Variants in ZFPM1 observed in about 807,000 individuals in gnomAD.
ZFPM1 encodes the protein zinc finger protein, FOG family member 1, also known as zinc finger protein ZFPM1.
ZFPM1 carries 28 observed loss-of-function variants against 46.3 expected under a neutral mutation model. The observed-to-expected ratio is 0.60, with a 90% CI of 0.45 to 0.83. The LOEUF is 0.83. Ranked by LOEUF, ZFPM1 falls within the 40% of genes least tolerant of loss-of-function variation. The pLI is 0.00. For missense variants in ZFPM1, 1,878 were observed against 1,432.4 expected (o/e 1.31, Z -5.02); for synonymous variants, 957 against 675.9 (o/e 1.42, Z -6.45).
At chr16:88,502,073 T>C (rs866945453) in intron 3 of ZFPM1, among the ~76,000 whole-genome samples, 6,732 of 115,840 alleles carry the variant, frequency 0.058, 283 homozygotes, top group Middle Eastern at 0.17. Context: ...CCCATTTATT[T>C]ATTTATTTAT....
chr16:88,532,475 G>C (rs1340046066), intron 7 of ZFPM1, 139 bp from the exon 8 acceptor site: 7 of 928,490 alleles, frequency 7.5e-6, no homozygotes, highest in Non-Finnish European at 9.6e-6. Context: ...GGCGGAGGAG[G>C]AGGAGGAGGG....
In ZFPM1 at chr16:88,489,021, C is replaced by T. The variant is rs775913277; in HGVS notation, c.146-10C>T. ...TCAGCAGGGATGTGACGGTGTTTTC[C>T]TCTCTGCAGATGTTAACTCACCCCC... On this transcript the variant is annotated splice_polypyrimidine_tract_variant and intron_variant, in intron 2 of 9. Coordinates refer to ENST00000319555, the MANE Select transcript of ZFPM1 (RefSeq NM_153813.3). 2 of 1,611,038 alleles carry T rather than the reference C, an allele frequency of 1.2e-6. No homozygotes were observed. Among genetic ancestry groups the T allele is most frequent in the South Asian group, 1.1e-5 (1 of 90,928 alleles).
chr16:88,536,365 G>A lies in ZFPM1; in HGVS notation c.*1386G>A, dbSNP rs560092819. 1 of 152,078 alleles carries A rather than the reference G, an allele frequency of 6.6e-6. No individual in the cohort carries two copies. Among genetic ancestry groups the A allele is most frequent in the Non-Finnish European group, 1.5e-5 (1 of 68,026 alleles). 9.4% of individuals were successfully genotyped at this position (152,078 alleles called of 1,614,324 possible). On this transcript the variant is annotated 3_prime_UTR_variant, in exon 10 of 10. Coordinates refer to ENST00000319555, the MANE Select transcript of ZFPM1 (RefSeq NM_153813.3). ...TTTTAAAACATTTTTATAGAGACAG[G>A]GTCTTCCTGTGTTGCCCAAGATGGT... is the stretch of plus-strand genomic sequence containing the variant.
chr16:88,520,282 A>G (rs371850732), intron 4 of ZFPM1, among the ~76,000 whole-genome samples: 2 of 143,294 alleles, frequency 1.4e-5, no homozygotes, highest in East Asian at 2.2e-4. Context: ...ATGGATGGAT[A>G]GATAGGTAGG....
chr16:88,530,991 C>T (rs1319688145), intron 6 of ZFPM1: 2 of 152,222 alleles, frequency 1.3e-5, no homozygotes, highest in Non-Finnish European at 2.9e-5. Context: ...GAGGGGAGGG[C>T]GCGGGGGTAG....
intron 3 of ZFPM1, among the ~76,000 whole-genome samples, chr16:88,500,076 G>A (rs1401991646): frequency 3.3e-5 from 5 of 152,204 alleles, no homozygotes; most frequent in South Asian, 4.1e-4. Flanking sequence ...GGCCGCAGGC[G>A]CTAATCAAGC....
intron 4 of ZFPM1, among the ~76,000 whole-genome samples, chr16:88,521,330 G>A (rs377516524): frequency 4.2e-4 from 64 of 151,818 alleles, no homozygotes; most frequent in African/African-American, 1.5e-3. Flanking sequence ...ATGAGATCAG[G>A]TTCTGCCATG....
chr16:88,504,395 C>T (rs569503880), intron 3 of ZFPM1, among the ~76,000 whole-genome samples: 2 of 152,128 alleles, frequency 1.3e-5, no homozygotes, highest in African/African-American at 2.4e-5. Context: ...CTACTAGGAC[C>T]TGGAGGCAAA....
intron 1 of ZFPM1, among the ~76,000 whole-genome samples, chr16:88,475,979 AGTG>A (rs1389115931): frequency 1.3e-5 from 2 of 152,152 alleles, no homozygotes; most frequent in Non-Finnish European, 2.9e-5. Flanking sequence ...CACAGGAAGA[AGTG>A]GTGGGGCTGA....
At chr16:88,501,622 ATAGTGGGCCTGGGTGCGTGGGC>A (rs1910332241) in intron 3 of ZFPM1, among the ~76,000 whole-genome samples, 2 of 115,770 alleles carry the variant, frequency 1.7e-5, no homozygotes, top group African/African-American at 7.0e-5. Flanking sequence ...GATGATGGAG[ATAGTGGGCCTGGGTGCGTGGGC>A]CATCGCGCAG....
At chr16:88,501,237 G>GGC (rs1910274705) in intron 3 of ZFPM1, among the ~76,000 whole-genome samples, 1 of 116,230 alleles carries the variant, frequency 8.6e-6, no homozygotes, top group Non-Finnish European at 1.8e-5. Flanking sequence ...GGGTGCATGG[G>GGC]CTCTCCCGCA....
chr16:88,531,967 C>T (rs1290132036), intron 6 of ZFPM1, 35 bp from the exon 7 acceptor site: 6 of 1,557,728 alleles, frequency 3.9e-6, no homozygotes, highest in Admixed American at 1.8e-5. Flanking sequence ...GCAGGCTGGC[C>T]TTCAGCCTGA....
intron 4 of ZFPM1, among the ~76,000 whole-genome samples, chr16:88,521,375 T>A (rs1911871067): frequency 6.6e-6 from 1 of 151,984 alleles, no homozygotes; most frequent in Non-Finnish European, 1.5e-5. Context: ...TGGGGCTCCC[T>A]GCATGGTTTC....
chr16:88,474,280 C>G (rs1469561736), intron 1 of ZFPM1, among the ~76,000 whole-genome samples: 1 of 152,206 alleles, frequency 6.6e-6, no homozygotes, highest in African/African-American at 2.4e-5. Context: ...GGCCCTGGCT[C>G]CAGAGAAGGG....
upstream of ZFPM1, among the ~76,000 whole-genome samples, chr16:88,452,959 G>T (rs1907341925): frequency 6.6e-6 from 1 of 152,138 alleles, no homozygotes; most frequent in Non-Finnish European, 1.5e-5. Flanking sequence ...GGCGCGGGCG[G>T]GGCCGAACCA....
rs578159414 is a variant in ZFPM1, at chr16:88,533,055, G to A, written c.1190-93G>A. 7.5e-3 allele frequency: 7,650 copies of A among 1,017,632 alleles called. 19 individuals carry two copies. The highest frequency in any genetic ancestry group is 9.3e-3 in the Non-Finnish European group (7,010 of 757,584). 63.0% of individuals were successfully genotyped at this position (1,017,632 alleles called of 1,614,324 possible). ...TCAGCCTTCGCTCTAAACCACTCCC[G>A]CCCACCCCTCCCCTTCCGGAGCTCG... On this transcript the variant is annotated intron_variant, in intron 9 of 9. Coordinates refer to ENST00000319555, the MANE Select transcript of ZFPM1 (RefSeq NM_153813.3).
At chr16:88,487,004 C>A (rs563584273) in intron 2 of ZFPM1, among the ~76,000 whole-genome samples, 2 of 152,202 alleles carry the variant, frequency 1.3e-5, no homozygotes, top group African/African-American at 4.8e-5. Flanking sequence ...TTTCCTCCAC[C>A]CTCACAGGCA....
Position 88,518,706 on chromosome 16 carries a change from CGGAT to C in ZFPM1, c.402+4205_402+4208del, listed in dbSNP as rs201394717. Among the ~76,000 whole-genome samples the C allele has an allele frequency of 7.9e-5, 8 of 101,390 alleles. No individual in the cohort carries two copies. In the East Asian group the frequency reaches 1.7e-3, roughly 21 times the overall value. 66.5% of individuals were successfully genotyped at this position (101,390 alleles called of 152,430 possible). A position where few individuals can be genotyped will look rare whatever the true frequency, so the allele number is the denominator to read the frequency against. ...GTGGATGGATGGGTGGATTGATGGA[CGGAT>C]GGATGGATGGATGGATGGCTGAGAG... is the stretch of plus-strand genomic sequence containing the variant. On this transcript the variant is annotated intron_variant, in intron 4 of 9. Coordinates refer to ENST00000319555, the MANE Select transcript of ZFPM1 (RefSeq NM_153813.3).
At position 88,534,650 on chromosome 16, in the gene ZFPM1, C is replaced by A; in HGVS notation, c.2692C>A (p.Arg898Ser). 1 of 1,017,902 alleles carries A rather than the reference C, an allele frequency of 9.8e-7. No individual in the cohort carries two copies. Among genetic ancestry groups the A allele is most frequent in the South Asian group, 4.5e-5 (1 of 22,434 alleles). 63.1% of individuals were successfully genotyped at this position (1,017,902 alleles called of 1,614,324 possible). Residue 898 changes from arginine to serine, a missense_variant, in exon 10 of 10, where the codon CGC (arginine) becomes AGC (serine). Physicochemically the swap from Arg to Ser is moderately radical, Grantham distance 110. Transcript: ENST00000319555. Reference sequence around the variant, plus strand: ...GGTCGAGGCCCGGACGCCGGCCGACCGCGGCCCCTCGCCCGCTCCCGCCCC... The same window carrying A: ...GGTCGAGGCCCGGACGCCGGCCGACAGCGGCCCCTCGCCCGCTCCCGCCCC... ...PGVEARTPAD[R>S]GPSPAPAPAA...
Sources: gnomAD v4.1 joint callset for allele counts (sites outside exome capture counted in the v4.1 genomes callset) on GRCh38, gnomAD v4.1.1 for gene constraint, MANE v1.5 for transcripts, NCBI Gene and HGNC (gene_info 2026-07-23, HGNC 2026-07-21) for gene names.